Variants in CDC42SE2 observed in about 807,000 individuals in gnomAD.
CDC42SE2 encodes the protein CDC42 small effector 2, also known as CDC42 small effector protein 2.
In CDC42SE2, 3 loss-of-function variants were observed where a neutral mutation model predicts 11.5. The ratio of observed to expected loss-of-function variants is 0.26; its 90% CI spans 0.12 to 0.67. CDC42SE2 has a LOEUF of 0.67. CDC42SE2 is among the 30% of genes least tolerant of loss of function. The pLI is 0.80. For synonymous variants in CDC42SE2, 33 were observed against 34.8 expected (o/e 0.95, Z 0.18); for missense variants, 82 against 106.8 (o/e 0.77, Z 1.02).
chr5:131,285,605 T>A (rs1757323192), intron 1 of CDC42SE2, among the ~76,000 whole-genome samples: 1 of 152,220 alleles, frequency 6.6e-6, no homozygotes, highest in Non-Finnish European at 1.5e-5. Flanking sequence ...TATTGTTTCT[T>A]TCAGAGCTCC....
At chr5:131,278,798 T>A (rs1222661990) in intron 1 of CDC42SE2, among the ~76,000 whole-genome samples, 10 of 72,156 alleles carry the variant, frequency 1.4e-4, no homozygotes, top group African/African-American at 5.8e-4. Flanking sequence ...CTTCTTTTTT[T>A]TTTTTAAAGA....
upstream of CDC42SE2, among the ~76,000 whole-genome samples, chr5:131,242,814 G>A (rs949857534): frequency 6.6e-6 from 1 of 152,080 alleles, no homozygotes; most frequent in African/African-American, 2.4e-5. Context: ...TTTTTCTAGG[G>A]TAAGTAATGG....
chr5:131,374,648 A>G (rs1479827628), intron 3 of CDC42SE2, among the ~76,000 whole-genome samples: 1 of 152,084 alleles, frequency 6.6e-6, no homozygotes, highest in Admixed American at 6.5e-5. Flanking sequence ...TGTAAGAAAA[A>G]TTAATTATAG....
intron 3 of CDC42SE2, among the ~76,000 whole-genome samples, chr5:131,369,203 T>A (rs149526547): frequency 6.6e-6 from 1 of 152,360 alleles, no homozygotes; most frequent in East Asian, 1.9e-4. Context: ...TCTTTTGCGT[T>A]TTCTTCTTTC....
chr5:131,278,571 C>T (rs577081765), intron 1 of CDC42SE2, among the ~76,000 whole-genome samples: 2 of 151,172 alleles, frequency 1.3e-5, no homozygotes, highest in Admixed American at 6.6e-5. Context: ...TGGCAGACTG[C>T]AGAAGCTACA....
chr5:131,252,209 A>G (rs1756646139), intron 1 of CDC42SE2, among the ~76,000 whole-genome samples: 1 of 152,190 alleles, frequency 6.6e-6, no homozygotes, highest in African/African-American at 2.4e-5. Flanking sequence ...GTAAAGCAAG[A>G]CTATTTTAAA....
intron 3 of CDC42SE2, among the ~76,000 whole-genome samples, chr5:131,376,045 C>A (rs1488980313): frequency 6.6e-6 from 1 of 151,960 alleles, no homozygotes; most frequent in Non-Finnish European, 1.5e-5. Context: ...TCGAGACCAG[C>A]CTGACCAACA....
chr5:131,261,368 G>C (rs986098956), upstream of CDC42SE2: 1 of 152,142 alleles, frequency 6.6e-6, no homozygotes, highest in Non-Finnish European at 1.5e-5. Flanking sequence ...ACAAACTACA[G>C]ATTAACATTG....
intron 1 of CDC42SE2, among the ~76,000 whole-genome samples, chr5:131,249,014 CTT>C (rs35929101): frequency 8.6e-5 from 10 of 116,080 alleles, no homozygotes; most frequent in Admixed American, 2.0e-4. Context: ...CAGGTTACAT[CTT>C]TTTTTTTTTT....
At chr5:131,321,965 C>T (rs942633828) in intron 2 of CDC42SE2, among the ~76,000 whole-genome samples, 1 of 152,200 alleles carries the variant, frequency 6.6e-6, no homozygotes, top group African/African-American at 2.4e-5. Flanking sequence ...ATTCTCCTAC[C>T]TCAGCCTCCC....
chr5:131,377,087 A>G (rs1750175489), intron 3 of CDC42SE2, among the ~76,000 whole-genome samples: 1 of 152,118 alleles, frequency 6.6e-6, no homozygotes, highest in Non-Finnish European at 1.5e-5. Flanking sequence ...ACAATGGCTA[A>G]ACTAATTTAC....
At chr5:131,317,086 G>A (rs1017149059) in intron 2 of CDC42SE2, among the ~76,000 whole-genome samples, 3 of 152,034 alleles carry the variant, frequency 2.0e-5, no homozygotes, top group East Asian at 1.9e-4. Flanking sequence ...AAACCAATCC[G>A]TAGAATCTAA....
chr5:131,245,571 C>T (rs1031220048), exon 1 of CDC42SE2: 2 of 152,178 alleles, frequency 1.3e-5, no homozygotes, highest in Non-Finnish European at 2.9e-5. Flanking sequence ...TGTTTGGTGG[C>T]TTACCATGGT....
chr5:131,218,149 G>T, the CDC42SE2 span, among the ~76,000 whole-genome samples: 1 of 144,858 alleles, frequency 6.9e-6, no homozygotes, highest in Non-Finnish European at 1.5e-5. Context: ...TGCACTCCAG[G>T]CTGGGCAAAA....
intron 3 of CDC42SE2, among the ~76,000 whole-genome samples, chr5:131,365,745 G>A (rs1365244915): frequency 6.6e-6 from 1 of 152,188 alleles, no homozygotes; most frequent in Non-Finnish European, 1.5e-5. Context: ...CACTTTGGGA[G>A]GCCAAGGCGG....
In CDC42SE2 at chr5:131,288,415, A is replaced by G. The variant is rs556838005; in HGVS notation, c.-455+24249A>G. 1.3e-4 allele frequency among the ~76,000 whole-genome samples: 20 copies of G among 152,352 alleles called. No individual in the cohort carries two copies. In the South Asian group the frequency reaches 4.1e-3, roughly 32 times the overall value. On this transcript the variant is annotated intron_variant, in intron 1 of 4. Coordinates refer to ENST00000505065, the MANE Select transcript of CDC42SE2 (RefSeq NM_001375635.1). Reference sequence around the variant, plus strand: ...ATTTCTACCTCCCAAGTTTCATGAAATATCAGCCTATTGAGTAGTTTCAGT... The same window carrying G: ...ATTTCTACCTCCCAAGTTTCATGAAGTATCAGCCTATTGAGTAGTTTCAGT...
At chr5:131,385,359 T>A (rs1750450417) in intron 3 of CDC42SE2, among the ~76,000 whole-genome samples, 184 bp from the exon 4 acceptor site, 1 of 152,240 alleles carries the variant, frequency 6.6e-6, no homozygotes, top group South Asian at 2.1e-4. Context: ...TATTTTGCTT[T>A]ACTAATCATT....
chr5:131,311,814 C>G (rs1169192316), intron 1 of CDC42SE2, among the ~76,000 whole-genome samples: 3 of 152,144 alleles, frequency 2.0e-5, no homozygotes, highest in Non-Finnish European at 2.9e-5. Context: ...AAGCACTTCT[C>G]TGTATTGGTT....
chr5:131,216,351 T>C, the CDC42SE2 span, among the ~76,000 whole-genome samples: 11 of 151,514 alleles, frequency 7.3e-5, no homozygotes, highest in South Asian at 2.3e-3. Context: ...ATACAAAAAA[T>C]ATTAGCCGGG....
Sources: gnomAD v4.1 joint callset for allele counts (sites outside exome capture counted in the v4.1 genomes callset) on GRCh38, gnomAD v4.1.1 for gene constraint, MANE v1.5 for transcripts, NCBI Gene and HGNC (gene_info 2026-07-23, HGNC 2026-07-21) for gene names.